CHN2: variants seen among roughly 807,000 people sequenced by gnomAD.
CHN2 encodes beta-chimaerin.
A neutral mutation model predicts 56.3 loss-of-function variants in CHN2; 35 were observed. That is an observed-to-expected ratio of 0.62 (90% CI 0.47 to 0.82). The LOEUF is 0.82. Ranked by LOEUF, CHN2 falls within the 40% of genes least tolerant of loss-of-function variation. The pLI is 0.00. For missense variants in CHN2, 491 were observed against 580.5 expected (o/e 0.85, Z 1.58); for synonymous variants, 210 against 212.8 (o/e 0.99, Z 0.12).
intron 6 of CHN2, among the ~76,000 whole-genome samples, chr7:29,472,113 T>C (rs907086397): frequency 1.3e-5 from 2 of 152,124 alleles, no homozygotes; most frequent in African/African-American, 4.8e-5. Flanking sequence ...CATTCGGCAA[T>C]TGGAGCTTAT....
At chr7:29,375,532 A>G (rs574572597) in intron 3 of CHN2, among the ~76,000 whole-genome samples, 2 of 152,280 alleles carry the variant, frequency 1.3e-5, no homozygotes, top group East Asian at 3.9e-4. Context: ...GAAAAGGTAT[A>G]TTCCCTTAAT....
At chr7:29,508,166 G>A (rs1011835799) in intron 11 of CHN2, among the ~76,000 whole-genome samples, 1 of 152,102 alleles carries the variant, frequency 6.6e-6, no homozygotes, top group African/African-American at 2.4e-5. Context: ...GAGCTCATGC[G>A]TCCAGGAATG....
chr7:29,374,646 T>C (rs913067206), intron 3 of CHN2, among the ~76,000 whole-genome samples: 1 of 152,062 alleles, frequency 6.6e-6, no homozygotes, highest in Admixed American at 6.6e-5. Context: ...TGAGGTGAGC[T>C]GGAGAGGGCC....
At chr7:29,177,799 TTTCA>T (rs1301702570) in intron 2 of CHN2, among the ~76,000 whole-genome samples, 4 of 152,150 alleles carry the variant, frequency 2.6e-5, no homozygotes, top group Non-Finnish European at 4.4e-5. Flanking sequence ...CTATCTGTTC[TTTCA>T]TTCATTCACT....
intron 6 of CHN2, among the ~76,000 whole-genome samples, chr7:29,419,777 C>A (rs1804143786): frequency 6.6e-6 from 1 of 152,090 alleles, no homozygotes; most frequent in African/African-American, 2.4e-5. Flanking sequence ...CAAATGAAAA[C>A]CACAAGGAAA....
At chr7:29,264,289 G>A (rs374978650) in intron 1 of CHN2, among the ~76,000 whole-genome samples, 10 of 152,170 alleles carry the variant, frequency 6.6e-5, no homozygotes, top group East Asian at 3.9e-4. Flanking sequence ...CCCTCTGCCC[G>A]GCCGTAACCC....
chr7:29,506,212 T>C (rs1345011903), intron 10 of CHN2, among the ~76,000 whole-genome samples: 1 of 152,116 alleles, frequency 6.6e-6, no homozygotes, highest in African/African-American at 2.4e-5. Context: ...TCCCAGCACT[T>C]TGGGGGTTGG....
At chr7:29,393,851 A>G (rs985743818) in intron 4 of CHN2, 141 bp downstream of exon 4, 1 of 265,848 alleles carries the variant, frequency 3.8e-6, no homozygotes, top group African/African-American at 2.3e-5. Context: ...ATGCAATCAG[A>G]CTCCTTTGAA....
intron 2 of CHN2, among the ~76,000 whole-genome samples, chr7:29,188,948 C>CTTTTT (rs11376135): frequency 5.5e-4 from 72 of 129,958 alleles, no homozygotes; most frequent in African/African-American, 2.0e-3. Flanking sequence ...TTCCTCATAC[C>CTTTTT]TTTTTTTTTT....
chr7:29,273,349 A>ATATATATATATATATATATATGTG (rs1790852769), intron 1 of CHN2, among the ~76,000 whole-genome samples: 7 of 58,468 alleles, frequency 1.2e-4, no homozygotes, highest in Non-Finnish European at 1.9e-4. Flanking sequence ...ATGTGTATAT[A>ATATATATATATATATATATATGTG]TATATATATA....
intron 1 of CHN2, among the ~76,000 whole-genome samples, chr7:29,333,355 G>T (rs1049582447): frequency 6.6e-6 from 1 of 152,196 alleles, no homozygotes; most frequent in Non-Finnish European, 1.5e-5. Context: ...GCTGTTGAAA[G>T]ATGTCTCAGA....
chr7:29,512,414 C>T lies in CHN2; in HGVS notation c.1236-150C>T, dbSNP rs1429112745. ...AACGAAAAATCAGTAAATTACCCTT[C>T]CAAAAATACCTTTCTGCTGTTCTGA... On this transcript the variant is annotated intron_variant, in intron 12 of 12. Coordinates refer to ENST00000222792, the MANE Select transcript of CHN2 (RefSeq NM_004067.4). 6.5e-6 allele frequency: 4 copies of T among 617,754 alleles called. No homozygotes were observed. In the East Asian group the frequency reaches 9.3e-5, roughly 14 times the overall value. The allele number at this position is 617,754 out of a possible 1,614,324, so 38.3% of individuals were successfully genotyped here.
intron 1 of CHN2, among the ~76,000 whole-genome samples, chr7:29,271,695 G>A (rs1271037480): frequency 6.6e-6 from 1 of 152,182 alleles, no homozygotes; most frequent in Non-Finnish European, 1.5e-5. Flanking sequence ...CCAGTGTTGT[G>A]AATTATTTAG....
At chr7:29,459,453 G>A (rs984899833) in intron 6 of CHN2, among the ~76,000 whole-genome samples, 3 of 152,268 alleles carry the variant, frequency 2.0e-5, no homozygotes, top group South Asian at 2.1e-4. Flanking sequence ...TCCCTAGTTC[G>A]GATGAGACTT....
At chr7:29,218,503 C>T (rs536551604) in intron 1 of CHN2, among the ~76,000 whole-genome samples, 90 of 152,154 alleles carry the variant, frequency 5.9e-4, no homozygotes, top group African/African-American at 2.1e-3. Flanking sequence ...CACATGCACA[C>T]GTATGTTTAT....
chr7:29,201,783 C>G (rs562288632), intron 1 of CHN2, among the ~76,000 whole-genome samples: 6 of 152,328 alleles, frequency 3.9e-5, no homozygotes, highest in African/African-American at 1.4e-4. Flanking sequence ...AGAGACAAAA[C>G]TAATGTAAAA....
chr7:29,322,491 ACTCCTCCTCCTC>A (rs1209625032), intron 1 of CHN2, among the ~76,000 whole-genome samples: 1 of 151,588 alleles, frequency 6.6e-6, no homozygotes, highest in East Asian at 1.9e-4. Context: ...TCCTCTTCCT[ACTCCTCCTCCTC>A]CTCACCTAGT....
chr7:29,264,219 AC>A (rs1185815764), intron 1 of CHN2, among the ~76,000 whole-genome samples: 1 of 107,492 alleles, frequency 9.3e-6, no homozygotes, highest in Admixed American at 9.0e-5. Flanking sequence ...CCCGGCCACC[AC>A]CCCGTCTGGG....
At chr7:29,505,637 G>C (rs1409126066) in intron 10 of CHN2, among the ~76,000 whole-genome samples, 4 of 152,124 alleles carry the variant, frequency 2.6e-5, no homozygotes, top group Non-Finnish European at 4.4e-5. Context: ...TGTAATCAGG[G>C]GTCAGCTCAA....
Sources: allele counts gnomAD v4.1 joint callset (sites outside exome capture counted in the v4.1 genomes callset), GRCh38; gene constraint gnomAD v4.1.1; transcripts MANE v1.5; gene names NCBI Gene and HGNC (gene_info 2026-07-23, HGNC 2026-07-21).